Variants in PAG1 observed in about 807,000 individuals in gnomAD.
PAG1 encodes the protein phosphoprotein membrane anchor with glycosphingolipid microdomains 1, also known as phosphoprotein associated with glycosphingolipid-enriched microdomains 1.
PAG1 carries 23 observed loss-of-function variants against 31.7 expected under a neutral mutation model. The observed-to-expected ratio is 0.73, with a 90% CI of 0.52 to 1.03. PAG1 has a LOEUF of 1.03. Ranked by LOEUF, PAG1 falls within the 50% of genes least tolerant of loss-of-function variation. The pLI is 0.00. For synonymous variants in PAG1, 214 were observed against 210.3 expected (o/e 1.02, Z -0.15); for missense variants, 473 against 540.7 (o/e 0.87, Z 1.24).
At chr8:81,104,383 G>A (rs924439080) in intron 1 of PAG1, among the ~76,000 whole-genome samples, 5 of 106,196 alleles carry the variant, frequency 4.7e-5, no homozygotes, top group African/African-American at 1.7e-4. Context: ...CTTGGCCTTC[G>A]TCCTTTTTTT....
chr8:81,032,695 T>C (rs1808396098), intron 2 of PAG1, among the ~76,000 whole-genome samples: 1 of 152,192 alleles, frequency 6.6e-6, no homozygotes, highest in African/African-American at 2.4e-5. Flanking sequence ...AGAGTTACCA[T>C]GTGACCCAGC....
In PAG1 at chr8:80,968,618, A is replaced by G. The variant is rs1324826987; in HGVS notation, c.*7926T>C. The G allele has an allele frequency of 6.6e-6, 1 of 152,224 alleles. No individual in the cohort carries two copies. Among genetic ancestry groups the G allele is most frequent in the East Asian group, 1.9e-4 (1 of 5,208 alleles). The allele number at this position is 152,224 out of a possible 1,614,324, so 9.4% of individuals were successfully genotyped here. A position where few individuals can be genotyped will look rare whatever the true frequency, so the allele number is the denominator to read the frequency against. On this transcript the variant is annotated 3_prime_UTR_variant, in exon 9 of 9. Transcript: ENST00000220597. Reference sequence around the variant, plus strand: ...CTAGAAAGTGCTTATGGAAATGTTTATTTTAATATGAGGAGTTTCTTTTCC... The same window carrying G: ...CTAGAAAGTGCTTATGGAAATGTTTGTTTTAATATGAGGAGTTTCTTTTCC...
In PAG1 at chr8:80,987,354, T is replaced by A. The variant is rs758305749; in HGVS notation, c.274+16A>T. 1 of 1,552,712 alleles carries A rather than the reference T, an allele frequency of 6.4e-7. No homozygotes were observed. Among genetic ancestry groups the A allele is most frequent in the Admixed American group, 1.7e-5 (1 of 59,820 alleles). The stretch of plus-strand genomic sequence containing the variant: ...ATGAGGCCTGTGTGGAAAGCTGGTG[T>A]TTTTGCAGAACTTACTGTCCCCATT... On this transcript the variant is annotated intron_variant, in intron 6 of 8. Transcript: ENST00000220597.
intron 1 of PAG1, among the ~76,000 whole-genome samples, chr8:81,093,583 G>A (rs773876948): frequency 5.9e-5 from 9 of 151,768 alleles, no homozygotes; most frequent in African/African-American, 1.7e-4. Context: ...GGGTAGACAC[G>A]TTGCCTTTAC....
intron 2 of PAG1, among the ~76,000 whole-genome samples, chr8:81,043,437 A>G (rs1411845932): frequency 1.3e-5 from 2 of 152,140 alleles, no homozygotes; most frequent in Non-Finnish European, 2.9e-5. Context: ...TCTTTGTTAC[A>G]TATATAGTAC....
chr8:81,072,816 T>C (rs1034848407), intron 1 of PAG1, among the ~76,000 whole-genome samples: 9 of 152,294 alleles, frequency 5.9e-5, no homozygotes, highest in Admixed American at 1.3e-4. Flanking sequence ...AGGGAGTGGG[T>C]GCATGTAAAA....
intron 7 of PAG1, among the ~76,000 whole-genome samples, chr8:80,981,941 C>T (rs1279742728): frequency 7.1e-6 from 1 of 141,838 alleles, no homozygotes; most frequent in Non-Finnish European, 1.5e-5. Flanking sequence ...TCTTGGCTCA[C>T]TGCAGCCTTG....
At chr8:81,033,594 G>A (rs1808415245) in intron 2 of PAG1, among the ~76,000 whole-genome samples, 1 of 152,180 alleles carries the variant, frequency 6.6e-6, no homozygotes, top group African/African-American at 2.4e-5. Context: ...TCCATGGAAT[G>A]CCACGCCCAG....
At chr8:81,068,062 A>G (rs1490878135) in intron 2 of PAG1, among the ~76,000 whole-genome samples, 3 of 152,074 alleles carry the variant, frequency 2.0e-5, no homozygotes, top group Non-Finnish European at 4.4e-5. Flanking sequence ...ATGTCCGGCT[A>G]ATTTTTGTAT....
At chr8:81,007,681 G>T (rs28654132) in intron 3 of PAG1, among the ~76,000 whole-genome samples, 2 of 144,602 alleles carry the variant, frequency 1.4e-5, no homozygotes, top group African/African-American at 5.1e-5. Flanking sequence ...AATAAAACAC[G>T]GGAGCTTGAA....
intron 1 of PAG1, among the ~76,000 whole-genome samples, chr8:81,104,588 C>T (rs1180289844): frequency 6.6e-6 from 1 of 152,118 alleles, no homozygotes; most frequent in African/African-American, 2.4e-5. Context: ...AAATCCACAA[C>T]CTGTCATCTT....
intron 2 of PAG1, among the ~76,000 whole-genome samples, chr8:81,036,253 C>T (rs1808460514): frequency 6.6e-6 from 1 of 152,174 alleles, no homozygotes; most frequent in South Asian, 2.1e-4. Flanking sequence ...CCAAAAACCT[C>T]TCTTCAGGAA....
intron 8 of PAG1, among the ~76,000 whole-genome samples, chr8:80,979,557 G>A (rs1354515910): frequency 1.3e-5 from 2 of 152,144 alleles, no homozygotes; most frequent in Non-Finnish European, 2.9e-5. Context: ...GACGAGGGTG[G>A]GCAATATCAC....
chr8:81,074,242 C>A (rs796913810), intron 1 of PAG1, among the ~76,000 whole-genome samples: 1 of 152,088 alleles, frequency 6.6e-6, no homozygotes, highest in Non-Finnish European at 1.5e-5. Context: ...TTCCTTCAGC[C>A]GCACTCACCA....
chr8:81,058,666 G>A (rs1420634725), intron 2 of PAG1: 2 of 152,252 alleles, frequency 1.3e-5, no homozygotes, highest in Admixed American at 1.3e-4. Context: ...GGAGGCCAAA[G>A]TGAAAGGATC....
intron 5 of PAG1, among the ~76,000 whole-genome samples, chr8:80,991,085 G>A (rs767541131): frequency 1.3e-5 from 2 of 152,152 alleles, no homozygotes; most frequent in Non-Finnish European, 2.9e-5. Context: ...CCAAAGTTTG[G>A]CTGCAAACCA....
chr8:81,104,037 T>C (rs73692375), intron 1 of PAG1, among the ~76,000 whole-genome samples: 5,617 of 152,256 alleles, frequency 0.037, 357 homozygotes, highest in African/African-American at 0.13. Flanking sequence ...ATGCGCTTCT[T>C]GAGATCGAAA....
At chr8:80,977,736 C>T (rs1016599794) in intron 8 of PAG1, among the ~76,000 whole-genome samples, 5 of 152,136 alleles carry the variant, frequency 3.3e-5, no homozygotes, top group Non-Finnish European at 5.9e-5. Context: ...CAAGCACACC[C>T]CCACAGTCTC....
chr8:81,108,343 G>A (rs1809724668), intron 1 of PAG1, among the ~76,000 whole-genome samples: 1 of 152,174 alleles, frequency 6.6e-6, no homozygotes, highest in African/African-American at 2.4e-5. Flanking sequence ...TCAATGGCAG[G>A]GGCTCTTTTG....
Sources: gnomAD v4.1 joint callset for allele counts (sites outside exome capture counted in the v4.1 genomes callset) on GRCh38, gnomAD v4.1.1 for gene constraint, MANE v1.5 for transcripts, NCBI Gene and HGNC (gene_info 2026-07-23, HGNC 2026-07-21) for gene names.